The following FGF12 variants were observed in gnomAD, a reference collection of about 807,000 sequenced individuals.
The protein encoded by FGF12 is fibroblast growth factor 12B.
In FGF12, 14 loss-of-function variants were observed where a neutral mutation model predicts 23.6. The ratio of observed to expected loss-of-function variants is 0.59; its 90% CI spans 0.39 to 0.93. FGF12 has a LOEUF of 0.93. Among genes scored for constraint, FGF12 ranks in the 40% least tolerant of loss-of-function variants. The probability of loss-of-function intolerance (pLI) is 0.00; values close to 1 mark genes in which losing one functional copy is unlikely to be tolerated. For synonymous variants in FGF12, 62 were observed against 77.3 expected, an observed-to-expected ratio of 0.80 and a Z score of 1.04; for missense variants, 175 against 217.8, an observed-to-expected ratio of 0.80 and a Z score of 1.24.
intron 4 of FGF12, among the ~76,000 whole-genome samples, chr3:192,276,465 G>T (rs1447712581): frequency 6.6e-6 from 1 of 152,126 alleles, no homozygotes; most frequent in Non-Finnish European, 1.5e-5. Context: ...TAAAATTTAT[G>T]ATTTCTTATA....
At chr3:192,581,261 T>C (rs192777845) in intron 2 of FGF12, among the ~76,000 whole-genome samples, 1 of 152,064 alleles carries the variant, frequency 6.6e-6, no homozygotes, top group Admixed American at 6.5e-5. Context: ...CATGTTAAAA[T>C]ATATTTCAAC....
chr3:192,599,988 CTA>C (rs1232815417), intron 2 of FGF12, among the ~76,000 whole-genome samples: 3 of 151,906 alleles, frequency 2.0e-5, no homozygotes, highest in Non-Finnish European at 4.4e-5. Flanking sequence ...ATTGTTTTCT[CTA>C]TGTTTTCTTC....
chr3:192,631,395 C>T (rs546258188), intron 2 of FGF12, among the ~76,000 whole-genome samples: 4 of 152,322 alleles, frequency 2.6e-5, no homozygotes, highest in Admixed American at 1.3e-4. Flanking sequence ...GTATAGCACT[C>T]CTGGCTTCCC....
At chr3:192,540,952 C>A (rs551164570) in intron 2 of FGF12, among the ~76,000 whole-genome samples, 1 of 152,218 alleles carries the variant, frequency 6.6e-6, no homozygotes, top group South Asian at 2.1e-4. Flanking sequence ...GTAAGTATAG[C>A]TATTGCTGCT....
rs1260543503 is a variant in FGF12, at chr3:192,577,470, G to A, written c.13+149711C>T. 2.0e-5 allele frequency among the ~76,000 whole-genome samples: 3 copies of A among 152,152 alleles called. No homozygotes were observed. The East Asian group carries it at 5.8e-4, about 29-fold the overall frequency. The stretch of plus-strand genomic sequence containing the variant: ...CACAAAGGGTATATGTAACAAAGTG[G>A]AAACATGATCCTGCCAACTTTACCT... On this transcript the variant is annotated intron_variant, in intron 2 of 5. Coordinates refer to ENST00000445105, the MANE Select transcript of FGF12 (RefSeq NM_004113.6).
At chr3:192,532,380 G>A (rs1302941352) in intron 2 of FGF12, among the ~76,000 whole-genome samples, 1 of 152,098 alleles carries the variant, frequency 6.6e-6, no homozygotes, top group Admixed American at 6.6e-5. Context: ...TCCCATTTAT[G>A]AGCATGGGTT....
intron 2 of FGF12, among the ~76,000 whole-genome samples, chr3:192,694,878 G>A (rs1388194988): frequency 1.3e-5 from 2 of 152,012 alleles, no homozygotes; most frequent in African/African-American, 4.8e-5. Context: ...TTGGAAGGTG[G>A]GGAGAAATGG....
At chr3:192,178,881 T>C (rs1716008733) in intron 4 of FGF12, among the ~76,000 whole-genome samples, 1 of 152,096 alleles carries the variant, frequency 6.6e-6, no homozygotes, top group Non-Finnish European at 1.5e-5. Flanking sequence ...AAGAAAGGAA[T>C]CAAAAACAAC....
intron 2 of FGF12, among the ~76,000 whole-genome samples, chr3:192,651,945 C>T (rs894464375): frequency 6.6e-6 from 1 of 152,176 alleles, no homozygotes; most frequent in African/African-American, 2.4e-5. Context: ...CCCCTCCCTC[C>T]AGTCATATTA....
chr3:192,504,027 C>T (rs946346826), intron 2 of FGF12, among the ~76,000 whole-genome samples: 2 of 151,106 alleles, frequency 1.3e-5, no homozygotes, highest in East Asian at 3.9e-4. Flanking sequence ...AATGAGATTA[C>T]GTTCTTTGCA....
At chr3:192,541,450 T>C (rs1319734987) in intron 2 of FGF12, among the ~76,000 whole-genome samples, 2 of 152,190 alleles carry the variant, frequency 1.3e-5, no homozygotes, top group African/African-American at 4.8e-5. Context: ...TTTAACTTTT[T>C]GCTATTTCTA....
chr3:192,398,696 C>T (rs1720631271), intron 2 of FGF12, among the ~76,000 whole-genome samples: 1 of 152,048 alleles, frequency 6.6e-6, no homozygotes, highest in Non-Finnish European at 1.5e-5. Context: ...ATATATAGCT[C>T]CCTTGTTTTT....
At chr3:192,176,729 T>G (rs1252637150) in intron 4 of FGF12, among the ~76,000 whole-genome samples, 2 of 152,214 alleles carry the variant, frequency 1.3e-5, no homozygotes, top group Admixed American at 1.3e-4. Flanking sequence ...CAATATCAAG[T>G]TTTTCCTACA....
chr3:192,157,192 A>G (rs952792547), intron 5 of FGF12, among the ~76,000 whole-genome samples: 18 of 152,342 alleles, frequency 1.2e-4, no homozygotes, highest in Admixed American at 5.2e-4. Context: ...GATAGACAGT[A>G]GTTACCAGGT....
chr3:192,581,492 A>ATGTGTGTGTGTGTG lies in FGF12; in HGVS notation c.13+145688_13+145689insCACACACACACACA, dbSNP rs1560158258. 6.3e-4 allele frequency among the ~76,000 whole-genome samples: 25 copies of ATGTGTGTGTGTGTG among 39,804 alleles called. 1 individual carries two copies. The highest frequency in any genetic ancestry group is 0.015 in the East Asian group (2 of 132). The allele number at this position is 39,804 out of a possible 152,430, so 26.1% of individuals were successfully genotyped here. On this transcript the variant is annotated intron_variant, in intron 2 of 5. Coordinates refer to ENST00000445105, the MANE Select transcript of FGF12 (RefSeq NM_004113.6). ...TATATATATGTGTGTGTGTGTATATATATATATATATATATATACAGGAAG... is the reference window on the plus strand; with the variant it reads ...TATATATATGTGTGTGTGTGTATATATGTGTGTGTGTGTGTATATATATATATATATACAGGAAG...
At position 192,360,493 on chromosome 3, in the gene FGF12, C is replaced by T; in HGVS notation, c.59G>A (p.Gly20Glu). ...GIVTRLFSQQGYFLQMHPDGT... is the reference protein window; with the variant it reads ...GIVTRLFSQQEYFLQMHPDGT... ...ATCTGGGTGCATCTGCAGGAAGTATCCCTGCTGGCTGAATAACCTTGTCAC... is the reference window on the plus strand; with the variant it reads ...ATCTGGGTGCATCTGCAGGAAGTATTCCTGCTGGCTGAATAACCTTGTCAC... The change falls in exon 3 of 6, where the codon GGA becomes GAA. Residue 20 changes from glycine (G) to glutamate (E), a missense_variant. Physicochemically the swap from Gly to Glu is moderately conservative, Grantham distance 98 (BLOSUM62 -2). Coordinates refer to ENST00000445105, the MANE Select transcript of FGF12 (RefSeq NM_004113.6). The surrounding 1 kb of genome is among the most constrained non-coding windows in gnomAD (Gnocchi z 4.3). 6.2e-7 allele frequency: 1 copy of T among 1,613,910 alleles called. No homozygotes were observed. Among genetic ancestry groups the T allele is most frequent in the South Asian group, 1.1e-5 (1 of 91,064 alleles).
intron 2 of FGF12, among the ~76,000 whole-genome samples, chr3:192,696,505 C>A (rs1718129248): frequency 6.6e-6 from 1 of 152,064 alleles, no homozygotes; most frequent in African/African-American, 2.4e-5. Context: ...CTTTCAAAAG[C>A]TAGTACATTG....
At chr3:192,317,569 A>G (rs1716295262) in intron 4 of FGF12, among the ~76,000 whole-genome samples, 1 of 139,722 alleles carries the variant, frequency 7.2e-6, no homozygotes, top group Admixed American at 6.8e-5. Flanking sequence ...ACCACAGTAG[A>G]ATAGAACACC....
At chr3:192,165,837 G>T (rs532540797) in intron 5 of FGF12, among the ~76,000 whole-genome samples, 28 of 152,248 alleles carry the variant, frequency 1.8e-4, no homozygotes, top group South Asian at 1.7e-3. Flanking sequence ...CGTGACATCA[G>T]GGTTCCTGGA....
Sources: gnomAD v4.1 joint callset for allele counts (sites outside exome capture counted in the v4.1 genomes callset) on GRCh38, gnomAD v4.1.1 for gene constraint, Gnocchi (gnomAD v3.1) non-coding constraint, MANE v1.5 for transcripts, NCBI Gene and HGNC (gene_info 2026-07-23, HGNC 2026-07-21) for gene names.